LRRC4C: variants seen among roughly 807,000 people sequenced by gnomAD.
LRRC4C encodes leucine-rich repeat-containing protein 4C.
LRRC4C carries 5 observed loss-of-function variants against 33.6 expected under a neutral mutation model. That is an observed-to-expected ratio of 0.15 (90% confidence interval 0.08 to 0.31). LRRC4C has a LOEUF of 0.31. Ranked by LOEUF, LRRC4C falls within the 10% of genes least tolerant of loss-of-function variation. LRRC4C has a pLI of 1.00. For missense variants in LRRC4C, 560 were observed against 796.7 expected, an observed-to-expected ratio of 0.70 and a Z score of 3.58; for synonymous variants, 329 against 302.0, an observed-to-expected ratio of 1.09 and a Z score of -0.93.
intron 1 of LRRC4C, among the ~76,000 whole-genome samples, chr11:41,227,396 T>C (rs956093098): frequency 2.6e-5 from 4 of 152,192 alleles, no homozygotes; most frequent in African/African-American, 7.2e-5. Context: ...GTATATTTTT[T>C]AACATGTTAT....
At chr11:40,831,206 T>G (rs1016858507) in intron 2 of LRRC4C, among the ~76,000 whole-genome samples, 1 of 152,166 alleles carries the variant, frequency 6.6e-6, no homozygotes, top group African/African-American at 2.4e-5. Context: ...TAATTATTCC[T>G]AAGTATAAGA....
intron 2 of LRRC4C, among the ~76,000 whole-genome samples, chr11:40,688,514 T>C (rs1945068733): frequency 6.6e-6 from 1 of 152,154 alleles, no homozygotes; most frequent in Admixed American, 6.6e-5. Flanking sequence ...GTTGAAAGCC[T>C]TGGGCTCTCA....
intron 2 of LRRC4C, among the ~76,000 whole-genome samples, chr11:40,670,439 C>T (rs1189016562): frequency 6.6e-6 from 1 of 152,192 alleles, no homozygotes; most frequent in Non-Finnish European, 1.5e-5. Flanking sequence ...AGAAGCATGT[C>T]TATATCAGAC....
At chr11:41,009,205 G>C (rs1854991128) in intron 1 of LRRC4C, among the ~76,000 whole-genome samples, 1 of 151,424 alleles carries the variant, frequency 6.6e-6, no homozygotes, top group Non-Finnish European at 1.5e-5. Context: ...ACATTGTTTT[G>C]AATATATTTA....
At chr11:40,741,641 C>A (rs1948161026) in intron 2 of LRRC4C, among the ~76,000 whole-genome samples, 1 of 151,988 alleles carries the variant, frequency 6.6e-6, no homozygotes, top group South Asian at 2.1e-4. Flanking sequence ...TGGCACAGAG[C>A]AAATATTGCC....
chr11:40,909,918 A>G (rs1483177948), intron 2 of LRRC4C, among the ~76,000 whole-genome samples: 2 of 152,226 alleles, frequency 1.3e-5, no homozygotes, highest in Non-Finnish European at 2.9e-5. Context: ...CTTAGAAAAT[A>G]TAATAAACAA....
At chr11:40,453,104 C>CAT (rs1951967541) in intron 3 of LRRC4C, among the ~76,000 whole-genome samples, 3 of 151,950 alleles carry the variant, frequency 2.0e-5, no homozygotes, top group Admixed American at 2.0e-4. Context: ...ATGGGTGCAG[C>CAT]GCACCAGCAT....
intron 3 of LRRC4C, among the ~76,000 whole-genome samples, chr11:40,640,884 C>T (rs746599002): frequency 2.0e-4 from 31 of 151,796 alleles, no homozygotes; most frequent in Non-Finnish European, 3.4e-4. Context: ...GGCGTGGTGG[C>T]GGGCGCCTGT....
intron 1 of LRRC4C, among the ~76,000 whole-genome samples, chr11:41,229,887 C>T (rs1282028898): frequency 1.3e-5 from 2 of 152,050 alleles, no homozygotes; most frequent in Admixed American, 6.6e-5. Flanking sequence ...CATCTAAAAG[C>T]TCTCGTTTCT....
At chr11:41,410,931 G>A (rs1056293997) in intron 1 of LRRC4C, among the ~76,000 whole-genome samples, 1 of 151,672 alleles carries the variant, frequency 6.6e-6, no homozygotes, top group Non-Finnish European at 1.5e-5. Flanking sequence ...CTGCCTGAGA[G>A]CCATCTAAAT....
At chr11:40,268,683 TA>T (rs1942464586) in intron 4 of LRRC4C, among the ~76,000 whole-genome samples, 1 of 152,108 alleles carries the variant, frequency 6.6e-6, no homozygotes, top group East Asian at 1.9e-4. Flanking sequence ...AATAAAAGAT[TA>T]AAAATATGGC....
intron 5 of LRRC4C, among the ~76,000 whole-genome samples, chr11:40,187,757 A>G (rs140248905): frequency 9.2e-5 from 14 of 152,330 alleles, no homozygotes; most frequent in Non-Finnish European, 1.9e-4. Flanking sequence ...GGTTGGGTAG[A>G]GGATTCCAAA....
chr11:41,166,306 G>A (rs191325152), intron 1 of LRRC4C, among the ~76,000 whole-genome samples: 1 of 152,162 alleles, frequency 6.6e-6, no homozygotes, highest in East Asian at 1.9e-4. Flanking sequence ...CTAGTCCCTG[G>A]AGCAATTTGC....
At chr11:40,749,893 A>C (rs1948599585) in intron 2 of LRRC4C, among the ~76,000 whole-genome samples, 1 of 152,118 alleles carries the variant, frequency 6.6e-6, no homozygotes, top group African/African-American at 2.4e-5. Flanking sequence ...ATAAAAAATT[A>C]ATAAATTCCT....
At chr11:40,152,636 G>A (rs1234981644) in intron 5 of LRRC4C, among the ~76,000 whole-genome samples, 3 of 152,142 alleles carry the variant, frequency 2.0e-5, no homozygotes, top group Admixed American at 6.5e-5. Flanking sequence ...TTCAGTTTGT[G>A]TGGGAGCTGG....
At chr11:41,257,014 T>C (rs1948823175) in intron 1 of LRRC4C, among the ~76,000 whole-genome samples, 2 of 151,956 alleles carry the variant, frequency 1.3e-5, no homozygotes, top group African/African-American at 2.4e-5. Flanking sequence ...AAAATTGAGA[T>C]AAAGGTGGGA....
intron 3 of LRRC4C, among the ~76,000 whole-genome samples, chr11:40,594,295 A>G (rs1413763144): frequency 6.6e-6 from 1 of 152,250 alleles, no homozygotes; most frequent in Non-Finnish European, 1.5e-5. Flanking sequence ...ATCATCTTAT[A>G]TAATCCTCAT....
intron 1 of LRRC4C, among the ~76,000 whole-genome samples, chr11:41,082,427 CTTTTT>C (rs537908452): frequency 0.026 from 3,039 of 114,920 alleles, 102 homozygotes; most frequent in African/African-American, 0.089. Flanking sequence ...AAATCTCACG[CTTTTT>C]TTTTTTTTTT....
intron 1 of LRRC4C, among the ~76,000 whole-genome samples, chr11:41,454,357 A>G (rs1956116099): frequency 6.6e-6 from 1 of 152,134 alleles, no homozygotes; most frequent in South Asian, 2.1e-4. Context: ...TCAAAATTCC[A>G]AGGGGCCGCC....
Sources: allele counts gnomAD v4.1 joint callset (sites outside exome capture counted in the v4.1 genomes callset), GRCh38; gene constraint gnomAD v4.1.1; transcripts MANE v1.5; gene names NCBI Gene and HGNC (gene_info 2026-07-23, HGNC 2026-07-21).